The following CHLSN variants were observed in gnomAD, a reference collection of about 807,000 sequenced individuals.
The protein encoded by CHLSN is cholesin.
At chr7:986,360 C>T in the CHLSN span, 2 of 536,006 alleles carry the variant, frequency 3.7e-6, no homozygotes, top group Non-Finnish European at 6.7e-6. Flanking sequence ...GTGGCAGCTG[C>T]CTCCCTCCTC....
chr7:1,001,708 G>T, the CHLSN span, among the ~76,000 whole-genome samples: 1 of 119,394 alleles, frequency 8.4e-6, no homozygotes, highest in Non-Finnish European at 1.7e-5. Context: ...CGGGTGGGGA[G>T]TCCTGTGGGT....
At chr7:1,072,126 CT>C in the CHLSN span, among the ~76,000 whole-genome samples, 22 of 152,212 alleles carry the variant, frequency 1.4e-4, no homozygotes, top group Non-Finnish European at 2.8e-4. Context: ...CCAAGATGGC[CT>C]TCCGATACCC....
At chr7:1,019,752 G>A in the CHLSN span, among the ~76,000 whole-genome samples, 3 of 152,204 alleles carry the variant, frequency 2.0e-5, no homozygotes, top group South Asian at 2.1e-4. Context: ...AGCAGGAAGC[G>A]GAGACTGGTT....
the CHLSN span, among the ~76,000 whole-genome samples, chr7:1,112,705 TAA>T: frequency 3.5e-4 from 35 of 99,042 alleles, no homozygotes; most frequent in Admixed American, 7.8e-4. Context: ...TCCAAATGGC[TAA>T]AAAAAAAAAA....
the CHLSN span, chr7:1,026,697 A>G: frequency 5.3e-5 from 8 of 152,228 alleles, no homozygotes; most frequent in Admixed American, 5.2e-4. Context: ...GAACCATGCA[A>G]AGACATCCAC....
chr7:1,018,059 G>C, the CHLSN span, among the ~76,000 whole-genome samples: 1,464 of 152,266 alleles, frequency 9.6e-3, 20 homozygotes, highest in African/African-American at 0.032. Flanking sequence ...CCACACCCTA[G>C]GCAGAAATCC....
chr7:1,013,889 G>T, the CHLSN span, among the ~76,000 whole-genome samples: 1 of 152,226 alleles, frequency 6.6e-6, no homozygotes, highest in Admixed American at 6.5e-5. Flanking sequence ...TCTGTCTCCT[G>T]CGGTTAGATG....
At chr7:1,071,788 G>C in the CHLSN span, among the ~76,000 whole-genome samples, 1 of 152,232 alleles carries the variant, frequency 6.6e-6, no homozygotes, top group Non-Finnish European at 1.5e-5. Flanking sequence ...GGAATGGCAT[G>C]CCTGCGGGCG....
At chr7:995,404 G>A in the CHLSN span, among the ~76,000 whole-genome samples, 1 of 152,210 alleles carries the variant, frequency 6.6e-6, no homozygotes, top group Non-Finnish European at 1.5e-5. Flanking sequence ...GGAGGCCCAG[G>A]TCTTCAAGAC....
chr7:1,076,798 G>T, the CHLSN span, among the ~76,000 whole-genome samples: 1 of 152,256 alleles, frequency 6.6e-6, no homozygotes, highest in South Asian at 2.1e-4. Flanking sequence ...GGAGAGCATG[G>T]GGACTTGCAC....
At chr7:1,006,743 C>T in the CHLSN span, among the ~76,000 whole-genome samples, 2 of 151,286 alleles carry the variant, frequency 1.3e-5, no homozygotes, top group East Asian at 3.9e-4. Context: ...AAAGAGCGCA[C>T]GATGGCCACA....
At chr7:1,020,838 G>A in the CHLSN span, among the ~76,000 whole-genome samples, 55 of 152,328 alleles carry the variant, frequency 3.6e-4, 1 homozygote, top group African/African-American at 1.3e-3. Flanking sequence ...GAGTGCAGGG[G>A]TCAGGACCCC....
At chr7:1,093,217 C>T in the CHLSN span, 86 of 499,298 alleles carry the variant, frequency 1.7e-4, no homozygotes, top group Middle Eastern at 1.2e-3. Flanking sequence ...GAAAGCCACA[C>T]GGAGAGGCCA....
the CHLSN span, among the ~76,000 whole-genome samples, chr7:1,016,377 A>G: frequency 3.9e-3 from 209 of 53,562 alleles, 33 homozygotes; most frequent in Non-Finnish European, 5.4e-3. Context: ...ACACGCCAGC[A>G]CACAGCAGCA....
At chr7:1,093,696 A>T in the CHLSN span, 100 of 468,862 alleles carry the variant, frequency 2.1e-4, no homozygotes, top group Admixed American at 2.4e-3. Context: ...GTTTCTACAG[A>T]AATAACAGCT....
chr7:1,137,099 A>G, the CHLSN span, among the ~76,000 whole-genome samples: 2 of 152,074 alleles, frequency 1.3e-5, no homozygotes, highest in Non-Finnish European at 2.9e-5. Flanking sequence ...CCACTTGGTA[A>G]GGTCCACACG....
chr7:979,355 A>G, the CHLSN span, among the ~76,000 whole-genome samples: 1 of 152,112 alleles, frequency 6.6e-6, no homozygotes, highest in Admixed American at 6.5e-5. Context: ...TTTCGGTGCA[A>G]GAGTCCATCT....
At chr7:1,098,654 G>A in the CHLSN span, among the ~76,000 whole-genome samples, 5 of 146,770 alleles carry the variant, frequency 3.4e-5, no homozygotes, top group East Asian at 2.0e-4. Context: ...AAGCAGACAC[G>A]AGTGGAGCTG....
chr7:1,019,143 A>G, the CHLSN span, among the ~76,000 whole-genome samples: 1 of 142,282 alleles, frequency 7.0e-6, no homozygotes, highest in African/African-American at 2.6e-5. Flanking sequence ...GCAGTAAGCC[A>G]AGATCGCGCC....
Sources: allele counts gnomAD v4.1 joint callset (sites outside exome capture counted in the v4.1 genomes callset), GRCh38; gene constraint gnomAD v4.1.1; transcripts MANE v1.5; gene names NCBI Gene and HGNC (gene_info 2026-07-23, HGNC 2026-07-21).